The following MACROD2 variants were observed in gnomAD, a reference collection of about 807,000 sequenced individuals.
The protein encoded by MACROD2 is ADP-ribose glycohydrolase MACROD2.
MACROD2 carries 36 observed loss-of-function variants against 70.4 expected under a neutral mutation model. The observed-to-expected ratio is 0.51, with a 90% CI of 0.39 to 0.68. The LOEUF (loss-of-function observed/expected upper bound fraction) is 0.68. MACROD2 is among the 30% of genes least tolerant of loss of function. The pLI, the probability that MACROD2 is intolerant of heterozygous loss-of-function variation, is 0.00. For missense variants in MACROD2, 496 were observed against 538.4 expected, an observed-to-expected ratio of 0.92 and a Z score of 0.78; for synonymous variants, 172 against 178.8, an observed-to-expected ratio of 0.96 and a Z score of 0.30.
chr20:14,702,618 T>C (rs1225962570), intron 5 of MACROD2, among the ~76,000 whole-genome samples: 1 of 62,014 alleles, frequency 1.6e-5, no homozygotes, highest in African/African-American at 5.7e-5. Flanking sequence ...TATGTGTATA[T>C]ATATATACAT....
At chr20:14,301,983 C>A (rs552844288) in intron 3 of MACROD2, among the ~76,000 whole-genome samples, 1 of 151,988 alleles carries the variant, frequency 6.6e-6, no homozygotes, top group East Asian at 1.9e-4. Context: ...CAAATTTTAC[C>A]TTTATTAGGA....
intron 3 of MACROD2, among the ~76,000 whole-genome samples, chr20:14,218,718 G>A (rs763453263): frequency 2.2e-4 from 34 of 152,172 alleles, no homozygotes; most frequent in Non-Finnish European, 4.4e-5. Flanking sequence ...AGTTCTTGTA[G>A]TGGTGGCTTG....
intron 5 of MACROD2, among the ~76,000 whole-genome samples, chr20:14,909,660 T>G (rs2074002299): frequency 6.6e-6 from 1 of 152,114 alleles, no homozygotes. Context: ...TCTTTAAGTT[T>G]TGTAATAAAC....
chr20:15,998,217 C>T (rs916607939), intron 15 of MACROD2, among the ~76,000 whole-genome samples: 1 of 152,182 alleles, frequency 6.6e-6, no homozygotes, highest in African/African-American at 2.4e-5. Context: ...ATGTTCCCTT[C>T]TCTTCAATTT....
intron 8 of MACROD2, among the ~76,000 whole-genome samples, chr20:15,688,666 A>G (rs1048881926): frequency 6.6e-6 from 1 of 152,218 alleles, no homozygotes; most frequent in Non-Finnish European, 1.5e-5. Context: ...TGGCCTCTAC[A>G]CTTATTTTGA....
intron 7 of MACROD2, among the ~76,000 whole-genome samples, chr20:15,453,525 T>C (rs1382187052): frequency 2.0e-5 from 3 of 152,220 alleles, no homozygotes; most frequent in Non-Finnish European, 2.9e-5. Flanking sequence ...TTAGTTACTA[T>C]GTCCTGGAAA....
chr20:14,896,780 A>C (rs2073835159), intron 5 of MACROD2, among the ~76,000 whole-genome samples: 1 of 152,212 alleles, frequency 6.6e-6, no homozygotes, highest in African/African-American at 2.4e-5. Flanking sequence ...ATATGGCTGC[A>C]GGCAAAATGC....
At chr20:15,256,121 T>G in intron 6 of MACROD2, among the ~76,000 whole-genome samples, 1 of 152,266 alleles carries the variant, frequency 6.6e-6, no homozygotes, top group East Asian at 1.9e-4. Flanking sequence ...AATCTTGAAT[T>G]TATAAATCCT....
At chr20:15,716,635 C>T (rs553021069) in intron 8 of MACROD2, among the ~76,000 whole-genome samples, 48 of 152,260 alleles carry the variant, frequency 3.2e-4, no homozygotes, top group African/African-American at 1.1e-3. Flanking sequence ...GTTGAGTCAC[C>T]TTATTCTTTT....
At chr20:14,273,285 A>G (rs1447389917) in intron 3 of MACROD2, among the ~76,000 whole-genome samples, 1 of 152,164 alleles carries the variant, frequency 6.6e-6, no homozygotes, top group African/African-American at 2.4e-5. Flanking sequence ...AGAAATTATA[A>G]CAAACTGTCT....
intron 2 of MACROD2, among the ~76,000 whole-genome samples, chr20:14,083,809 G>A (rs1025332663): frequency 1.3e-5 from 2 of 151,806 alleles, no homozygotes; most frequent in Admixed American, 6.6e-5. Flanking sequence ...GCCCAGGCGC[G>A]GTGGCTCACG....
chr20:15,611,823 T>C (rs115155058), intron 8 of MACROD2, among the ~76,000 whole-genome samples: 294 of 149,082 alleles, frequency 2.0e-3, no homozygotes, highest in African/African-American at 7.0e-3. Context: ...CTAGATGATG[T>C]CTATAAGGCT....
intron 3 of MACROD2, among the ~76,000 whole-genome samples, chr20:14,169,282 T>C (rs147335259): frequency 8.2e-4 from 124 of 151,788 alleles, no homozygotes; most frequent in African/African-American, 2.9e-3. Flanking sequence ...TTTTCTCCAA[T>C]AAAAACTTAT....
chr20:14,120,213 CAAAAAAAAAAA>C (rs71190112), intron 3 of MACROD2, among the ~76,000 whole-genome samples: 1 of 77,080 alleles, frequency 1.3e-5, no homozygotes, highest in Admixed American at 1.6e-4. Flanking sequence ...GACTCCGTCT[CAAAAAAAAAAA>C]AAAAAAAAAA....
At chr20:14,719,819 A>G (rs986377302) in intron 5 of MACROD2, among the ~76,000 whole-genome samples, 3 of 152,202 alleles carry the variant, frequency 2.0e-5, no homozygotes, top group African/African-American at 7.2e-5. Flanking sequence ...AGCTAAAAAC[A>G]GTGACCCTGC....
At chr20:14,564,266 C>G (rs1448052747) in intron 4 of MACROD2, among the ~76,000 whole-genome samples, 1 of 151,786 alleles carries the variant, frequency 6.6e-6, no homozygotes, top group Non-Finnish European at 1.5e-5. Context: ...AGGAAAAACT[C>G]TATTGGATAT....
intron 5 of MACROD2, among the ~76,000 whole-genome samples, chr20:14,991,841 G>A (rs1233655457): frequency 6.6e-6 from 1 of 152,110 alleles, no homozygotes; most frequent in Non-Finnish European, 1.5e-5. Context: ...CAGGTCTACA[G>A]GTACATAGTG....
intron 5 of MACROD2, among the ~76,000 whole-genome samples, chr20:14,771,670 C>T (rs76457862): frequency 1.2e-4 from 16 of 133,444 alleles, no homozygotes; most frequent in Non-Finnish European, 1.9e-4. Context: ...CACACACACA[C>T]ATATATATAT....
At chr20:14,386,749 G>C (rs922848481) in intron 3 of MACROD2, among the ~76,000 whole-genome samples, 12 of 152,188 alleles carry the variant, frequency 7.9e-5, no homozygotes, top group Non-Finnish European at 1.5e-4. Context: ...GCAGACACAT[G>C]AATCAGTTAA....
Sources: gnomAD v4.1 joint callset for allele counts (sites outside exome capture counted in the v4.1 genomes callset) on GRCh38, gnomAD v4.1.1 for gene constraint, MANE v1.5 for transcripts, NCBI Gene and HGNC (gene_info 2026-07-23, HGNC 2026-07-21) for gene names.